The following CSMD1 variants were observed in gnomAD, a reference collection of about 807,000 sequenced individuals.
CSMD1 encodes CUB and sushi domain-containing protein 1.
Under a neutral mutation model 417.5 loss-of-function variants are expected in CSMD1, and 213 were observed. The ratio of observed to expected loss-of-function variants is 0.51; its 90% CI spans 0.46 to 0.57. CSMD1 has a LOEUF of 0.57. CSMD1 is among the 20% of genes least tolerant of loss of function. CSMD1 has a pLI of 0.00. For missense variants in CSMD1, 6,923 were observed against 4,529.7 expected, an observed-to-expected ratio of 1.53 and a Z score of -15.17; for synonymous variants, 2,862 against 1,736.8, an observed-to-expected ratio of 1.65 and a Z score of -16.11.
At chr8:4,575,977 C>G (rs1159240014) in intron 2 of CSMD1, among the ~76,000 whole-genome samples, 1 of 152,232 alleles carries the variant, frequency 6.6e-6, no homozygotes, top group Non-Finnish European at 1.5e-5. Context: ...ACCTCCACCA[C>G]CACAGCCTCA....
chr8:4,025,117 G>A (rs1474037766), intron 4 of CSMD1, among the ~76,000 whole-genome samples: 6 of 152,222 alleles, frequency 3.9e-5, no homozygotes, highest in Middle Eastern at 3.2e-3. Flanking sequence ...CACCGAAGGG[G>A]CTGCAAGAGA....
chr8:4,496,993 G>T lies in CSMD1; in HGVS notation c.303-76928C>A, dbSNP rs147001683. 2.8e-3 allele frequency among the ~76,000 whole-genome samples: 427 copies of T among 152,182 alleles called. 2 individuals carry two copies. Among genetic ancestry groups the T allele is most frequent in the African/African-American group, 9.8e-3 (408 of 41,522 alleles). ...TACAAAACGAAAGGGAGACAATAAG[G>T]CTTGAAAAGAAACACTTACAAAAAT... On this transcript the variant is annotated intron_variant, in intron 2 of 69. Transcript: ENST00000635120.
chr8:3,928,326 C>A (rs1049294450), intron 5 of CSMD1, among the ~76,000 whole-genome samples: 26 of 152,060 alleles, frequency 1.7e-4, no homozygotes, highest in African/African-American at 6.3e-4. Context: ...CTTTTAATTG[C>A]CAGGACTGAG....
chr8:4,517,366 T>C lies in CSMD1; in HGVS notation c.303-97301A>G, dbSNP rs1803180702. Among the ~76,000 whole-genome samples the C allele has an allele frequency of 2.6e-5, 4 of 152,314 alleles. No homozygotes were observed. The South Asian group carries it at 6.2e-4, about 24-fold the overall frequency. ...TGCTAATTTGCTGTCAGTGCAGTCA[T>C]AGGTTAAACAGCTAATCTCCCAGAC... On this transcript the variant is annotated intron_variant, in intron 2 of 69. Coordinates refer to ENST00000635120, the MANE Select transcript of CSMD1 (RefSeq NM_033225.6).
At chr8:3,065,163 A>G (rs1404733202) in intron 49 of CSMD1, among the ~76,000 whole-genome samples, 1 of 152,212 alleles carries the variant, frequency 6.6e-6, no homozygotes, top group Non-Finnish European at 1.5e-5. Flanking sequence ...TGTGTCTATC[A>G]TTAAATTTCA....
chr8:3,500,456 G>C (rs1054948081), intron 10 of CSMD1, among the ~76,000 whole-genome samples: 2 of 152,256 alleles, frequency 1.3e-5, no homozygotes, highest in East Asian at 1.9e-4. Context: ...AACCACAGAT[G>C]CCACCTAAAA....
chr8:3,735,386 A>G (rs1244281431), intron 6 of CSMD1, among the ~76,000 whole-genome samples: 6 of 152,340 alleles, frequency 3.9e-5, no homozygotes, highest in African/African-American at 1.4e-4. Flanking sequence ...CTGGAAGTTG[A>G]GCAACTGTAT....
chr8:3,969,468 G>A (rs745606643), intron 5 of CSMD1, among the ~76,000 whole-genome samples: 2 of 152,044 alleles, frequency 1.3e-5, no homozygotes, highest in Admixed American at 6.6e-5. Context: ...TTAAGATCCT[G>A]GTCTATAAGT....
chr8:4,200,214 A>T (rs1351246879), intron 3 of CSMD1, among the ~76,000 whole-genome samples: 1 of 152,148 alleles, frequency 6.6e-6, no homozygotes, highest in African/African-American at 2.4e-5. Flanking sequence ...ATGTTATGAA[A>T]TTCTGGCCAG....
chr8:3,900,220 G>A lies in CSMD1; in HGVS notation c.818+97683C>T, dbSNP rs534281743. Among the ~76,000 whole-genome samples the A allele has an allele frequency of 3.3e-5, 5 of 152,046 alleles. No homozygotes were observed. The East Asian group carries it at 7.8e-4, about 24-fold the overall frequency. On this transcript the variant is annotated intron_variant, in intron 5 of 69. Transcript: ENST00000635120. ...CAGCTGGGTGACAGTGGAGCTGGGT[G>A]ACAGTGTTAACAGTGGAGCTGGGTA...
chr8:3,829,858 C>T (rs560188584), intron 5 of CSMD1, among the ~76,000 whole-genome samples: 9 of 152,096 alleles, frequency 5.9e-5, no homozygotes, highest in African/African-American at 1.4e-4. Context: ...AATATTAATC[C>T]GCTTAGAAAA....
At position 4,267,370 on chromosome 8, in the gene CSMD1, A is replaced by G. The variant is rs1343506290; in HGVS notation, c.415+152583T>C. On this transcript the variant is annotated intron_variant, in intron 3 of 69. Coordinates refer to ENST00000635120, the MANE Select transcript of CSMD1 (RefSeq NM_033225.6). ...AAGTAACAATAAGAGTTTAAAAGGG[A>G]GTCTTAGGATTAACTATGAACTCTG... 4.1e-5 allele frequency among the ~76,000 whole-genome samples: 2 copies of G among 49,272 alleles called. 1 individual carries two copies. Among genetic ancestry groups the G allele is most frequent in the Admixed American group, 3.9e-4 (2 of 5,072 alleles). The allele number at this position is 49,272 out of a possible 152,430, so 32.3% of individuals were successfully genotyped here.
At chr8:4,738,336 G>A (rs142690485) in intron 1 of CSMD1, among the ~76,000 whole-genome samples, 74 of 152,292 alleles carry the variant, frequency 4.9e-4, no homozygotes, top group African/African-American at 1.7e-3. Flanking sequence ...TTCAGCATGG[G>A]CGAAGAGGCC....
intron 10 of CSMD1, among the ~76,000 whole-genome samples, chr8:3,519,161 T>C (rs1797400473): frequency 6.6e-6 from 1 of 152,162 alleles, no homozygotes; most frequent in Admixed American, 6.5e-5. Context: ...TTTAATAAGC[T>C]AAAAATTCCT....
chr8:4,965,604 T>C (rs954703938), intron 1 of CSMD1, among the ~76,000 whole-genome samples: 2 of 152,348 alleles, frequency 1.3e-5, no homozygotes, highest in African/African-American at 4.8e-5. Flanking sequence ...ACTGGGTTTG[T>C]CCCTGAAGTT....
chr8:3,536,703 G>T (rs1798215201), intron 10 of CSMD1, among the ~76,000 whole-genome samples: 1 of 152,128 alleles, frequency 6.6e-6, no homozygotes, highest in Non-Finnish European at 1.5e-5. Flanking sequence ...TGCCCTCAGA[G>T]CAGCCTCCCT....
At chr8:4,714,688 G>C (rs547981601) in intron 1 of CSMD1, among the ~76,000 whole-genome samples, 2 of 152,038 alleles carry the variant, frequency 1.3e-5, no homozygotes, top group East Asian at 1.9e-4. Flanking sequence ...AAAGAAGCTA[G>C]GCAGTTCAAA....
intron 2 of CSMD1, among the ~76,000 whole-genome samples, chr8:4,484,852 A>G (rs950825032): frequency 4.6e-5 from 7 of 151,936 alleles, no homozygotes; most frequent in Admixed American, 6.6e-5. Context: ...AGGCGCCTGT[A>G]GTCCCAACTA....
At chr8:4,470,038 C>A (rs926907108) in intron 2 of CSMD1, among the ~76,000 whole-genome samples, 28 of 151,644 alleles carry the variant, frequency 1.8e-4, no homozygotes, top group Non-Finnish European at 7.4e-5. Flanking sequence ...CGGCTAATTT[C>A]TTTTTGTATT....
Sources: allele counts gnomAD v4.1 joint callset (sites outside exome capture counted in the v4.1 genomes callset), GRCh38; gene constraint gnomAD v4.1.1; transcripts MANE v1.5; gene names NCBI Gene and HGNC (gene_info 2026-07-23, HGNC 2026-07-21).